The following CTU1 variants were observed in gnomAD, a reference collection of about 807,000 sequenced individuals.
The protein encoded by CTU1 is cytosolic thiouridylase subunit 1.
A neutral mutation model predicts 12.9 loss-of-function variants in CTU1; 15 were observed. The observed-to-expected ratio is 1.16, with a 90% CI of 0.78 to 1.79. The LOEUF (loss-of-function observed/expected upper bound fraction) is 1.79, where lower values mean the gene tolerates loss of function less well. Among genes scored for constraint, CTU1 ranks in the 40% most tolerant of loss-of-function variants. The pLI is 0.00. For synonymous variants in CTU1, 295 were observed against 275.6 expected (o/e 1.07, Z -0.70); for missense variants, 553 against 550.5 (o/e 1.00, Z -0.05).
Position 51,098,627 on chromosome 19 carries a change from C to CG in CTU1, c.1020dup (p.Ala341ArgfsTer130). ...TAGAAGGTGGGGACGGCCTTGGAGG[C>CG]GGGGGGCCGGGCCGGATCCCCGGGC... On this transcript the variant is annotated frameshift_variant, in exon 3 of 3. Coordinates refer to ENST00000421832, the MANE Select transcript of CTU1 (RefSeq NM_145232.4). LOFTEE classifies it low-confidence loss of function (END_TRUNC). The surrounding 1 kb of genome is among the most constrained non-coding windows in gnomAD (Gnocchi z 4.3). The CG allele has an allele frequency of 7.6e-6, 10 of 1,307,870 alleles. No homozygotes were observed. The highest frequency in any genetic ancestry group is 4.1e-5 in the South Asian group (2 of 49,100). 81.0% of individuals were successfully genotyped at this position (1,307,870 alleles called of 1,614,324 possible). A position where few individuals can be genotyped will look rare whatever the true frequency, so the allele number is the denominator to read the frequency against.
At chr19:51,105,599 G>A (rs1432299675) in intron 1 of CTU1, among the ~76,000 whole-genome samples, 5 of 152,182 alleles carry the variant, frequency 3.3e-5, no homozygotes, top group Non-Finnish European at 7.3e-5. Context: ...CACAATGTGT[G>A]GAATTATTTT....
In CTU1 at chr19:51,104,363, G is replaced by A. The variant is rs934791437; in HGVS notation, c.207C>T (p.His69=). 3.5e-6 allele frequency: 5 copies of A among 1,425,816 alleles called. No individual in the cohort carries two copies. In the Admixed American group the frequency reaches 1.4e-4, roughly 41 times the overall value. 88.3% of individuals were successfully genotyped at this position (1,425,816 alleles called of 1,614,324 possible). A position where few individuals can be genotyped will look rare whatever the true frequency, so the allele number is the denominator to read the frequency against. ...SGGKDSTVLA[H]VLRALAPRLG... ...GGCGCGGCGCCAGCGCGCGCAGCACGTGCGCCAGCACCGTGGAGTCCTTGC... is the reference window on the plus strand; with the variant it reads ...GGCGCGGCGCCAGCGCGCGCAGCACATGCGCCAGCACCGTGGAGTCCTTGC... The change falls in exon 2 of 3, where the codon CAC becomes CAT. Residue 69 remains histidine, a synonymous_variant. Coordinates refer to ENST00000421832, the MANE Select transcript of CTU1 (RefSeq NM_145232.4).
Position 51,104,055 on chromosome 19 carries a change from C to T in CTU1, c.508+7G>A, listed in dbSNP as rs775068602. ...GAGTGCCGCTCTGCGGCCCGTACTA[C>T]GCTCACCTGTCACGATGTGCGTGGC... is the stretch of plus-strand genomic sequence containing the variant. On this transcript the variant is annotated splice_region_variant and intron_variant, in intron 2 of 2. Transcript: ENST00000421832. 5 of 1,447,282 alleles carry T rather than the reference C, an allele frequency of 3.5e-6. No homozygotes were observed. The highest frequency in any genetic ancestry group is 2.9e-5 in the Admixed American group (1 of 34,874). The allele number at this position is 1,447,282 out of a possible 1,614,324, so 89.7% of individuals were successfully genotyped here. A position where few individuals can be genotyped will look rare whatever the true frequency, so the allele number is the denominator to read the frequency against.
Position 51,103,046 on chromosome 19 carries a change from A to G in CTU1, c.508+1016T>C, listed in dbSNP as rs572637329. ...TATTCTCAGCCCTAGCCTGACAATGATGATGATAATAGCATGTATAAAATG... is the reference window on the plus strand; with the variant it reads ...TATTCTCAGCCCTAGCCTGACAATGGTGATGATAATAGCATGTATAAAATG... On this transcript the variant is annotated intron_variant, in intron 2 of 2. Transcript: ENST00000421832. Among the ~76,000 whole-genome samples the G allele has an allele frequency of 1.2e-4, 18 of 152,356 alleles. No individual in the cohort carries two copies. The South Asian group carries it at 3.1e-3, about 26-fold the overall frequency.
In CTU1 at chr19:51,099,131, C is replaced by T. The variant is rs1193345686; in HGVS notation, c.517G>A (p.Ala173Thr). Residue 173 changes from alanine (A) to threonine (T), a missense_variant, in exon 3 of 3, where the codon GCC (alanine) becomes ACC (threonine). Ala to Thr is a moderately conservative substitution (Grantham distance 58, BLOSUM62 0). This residue lies in a region of CTU1 where 500 missense variants were observed against 458.5 expected (regional missense o/e 1.09). Transcript: ENST00000421832. ...GATHIVTGHN[A>T]DDMAETVLMN... ...AGCACGGTCTCCGCCATGTCGTCGG[C>T]GTTGTGACCTGGTGGGGAGAGAAGG... 2 of 1,569,168 alleles carry T rather than the reference C, an allele frequency of 1.3e-6. No homozygotes were observed. Among genetic ancestry groups the T allele is most frequent in the Non-Finnish European group, 1.7e-6 (2 of 1,167,050 alleles).
chr19:51,104,578 G>A lies in CTU1; in HGVS notation c.-9C>T. The A allele has an allele frequency of 5.6e-6, 7 of 1,248,430 alleles. No homozygotes were observed. The highest frequency in any genetic ancestry group is 7.0e-6 in the Non-Finnish European group (7 of 995,424). The allele number at this position is 1,248,430 out of a possible 1,614,324, so 77.3% of individuals were successfully genotyped here. On this transcript the variant is annotated 5_prime_UTR_variant, in exon 2 of 3. Coordinates refer to ENST00000421832, the MANE Select transcript of CTU1 (RefSeq NM_145232.4). ...CACGGCGGGGCGGGCATTGCGGGAG[G>A]GGTCGGCTTCTCCTAGACAGGGAGA...
chr19:51,097,988 T>C lies in CTU1; in HGVS notation c.*613A>G, dbSNP rs1568603006. Reference sequence around the variant, plus strand: ...CTTCAGGCTACAGCCAGTGAGACCGTGGTGGAGACGAAATGAGGGTGCAGT... The same window carrying C: ...CTTCAGGCTACAGCCAGTGAGACCGCGGTGGAGACGAAATGAGGGTGCAGT... On this transcript the variant is annotated 3_prime_UTR_variant, in exon 3 of 3. Transcript: ENST00000421832. The C allele has an allele frequency of 6.6e-6, 1 of 152,174 alleles. No individual in the cohort carries two copies. Among genetic ancestry groups the C allele is most frequent in the Non-Finnish European group, 1.5e-5 (1 of 68,090 alleles). The allele number at this position is 152,174 out of a possible 1,614,324, so 9.4% of individuals were successfully genotyped here.
rs60598098 is a variant in CTU1, at chr19:51,107,896, G to A, written c.-22+451C>T. Among the ~76,000 whole-genome samples, 931 of 152,270 alleles carry A rather than the reference G, an allele frequency of 6.1e-3. 6 individuals carry two copies. Among genetic ancestry groups the A allele is most frequent in the African/African-American group, 0.022 (897 of 41,538 alleles). ...CCTGACTAGCTGTCACTGGTGACAG[G>A]TCTGTCTCTCTGCTTCAAGGCAGGG... On this transcript the variant is annotated intron_variant, in intron 1 of 2. Transcript: ENST00000421832.
At chr19:51,103,125 C>G (rs977695721) in intron 2 of CTU1, among the ~76,000 whole-genome samples, 1 of 151,974 alleles carries the variant, frequency 6.6e-6, no homozygotes, top group Admixed American at 6.6e-5. Context: ...ATATAGATAA[C>G]GTTATACTTC....
chr19:51,104,535 G>A lies in CTU1; in HGVS notation c.35C>T (p.Ala12Val). The change falls in exon 2 of 3, where the codon GCA (alanine) becomes GTA (valine). Residue 12 changes from alanine to valine, a missense_variant. Physicochemically the swap from Ala to Val is moderately conservative, Grantham distance 64 (BLOSUM62 0). Around this residue, in one of 2 missense-constraint regions of CTU1, gnomAD observed 500 missense variants for 458.5 expected, o/e 1.09. Transcript: ENST00000421832. ...GAGCGGACGGCGGAGGGCGGCGCGT[G>A]CAGCATGGCAGGAGGCGCACGGCGG... ...PAPPCASCHAARAALRRPLSG... is the reference protein window; with the variant it reads ...PAPPCASCHAVRAALRRPLSG... 1 of 1,265,598 alleles carries A rather than the reference G, an allele frequency of 7.9e-7. No homozygotes were observed. Among genetic ancestry groups the A allele is most frequent in the Non-Finnish European group, 9.9e-7 (1 of 1,006,508 alleles). 78.4% of individuals were successfully genotyped at this position (1,265,598 alleles called of 1,614,324 possible).
chr19:51,104,036 C>A (rs756195139), intron 2 of CTU1, 26 bp downstream of exon 2: 9 of 1,424,348 alleles, frequency 6.3e-6, no homozygotes, highest in Admixed American at 3.0e-5. Flanking sequence ...CGGAGAGTGC[C>A]GCTCTGCGGC....
chr19:51,104,905 C>G (rs2691251), intron 1 of CTU1, among the ~76,000 whole-genome samples: 83,703 of 151,996 alleles, frequency 0.55, 23,464 homozygotes, highest in East Asian at 0.79. Flanking sequence ...GTTGTGTCCT[C>G]TCCAGAGGGA....
intron 1 of CTU1, among the ~76,000 whole-genome samples, chr19:51,107,115 G>A (rs1053881071): frequency 6.6e-6 from 1 of 152,164 alleles, no homozygotes; most frequent in Non-Finnish European, 1.5e-5. Context: ...CTGAGGAAGG[G>A]AGACGCTCGC....
chr19:51,103,896 G>A (rs1364104808), intron 2 of CTU1, among the ~76,000 whole-genome samples, 166 bp downstream of exon 2: 1 of 152,194 alleles, frequency 6.6e-6, no homozygotes, highest in Non-Finnish European at 1.5e-5. Flanking sequence ...ACTGCAGCAT[G>A]CGCCCTTCCG....
At chr19:51,104,014 G>C in intron 2 of CTU1, 48 bp downstream of exon 2, 1 of 1,397,570 alleles carries the variant, frequency 7.2e-7, no homozygotes, top group Non-Finnish European at 9.2e-7. Context: ...CTGTGCATTC[G>C]CCCCACTGCC....
intron 1 of CTU1, among the ~76,000 whole-genome samples, chr19:51,105,471 A>T (rs953912724): frequency 3.6e-4 from 55 of 152,134 alleles, no homozygotes; most frequent in African/African-American, 1.3e-3. Flanking sequence ...CTGCCTGGTG[A>T]ACCCATAAAA....
intron 2 of CTU1, among the ~76,000 whole-genome samples, chr19:51,103,261 C>T (rs527414983): frequency 2.0e-5 from 3 of 152,106 alleles, no homozygotes; most frequent in South Asian, 2.1e-4. Context: ...AGTTGGGATC[C>T]GGCATATAGC....
intron 1 of CTU1, 63 bp from the exon 2 acceptor site, chr19:51,104,653 CG>C: frequency 8.5e-7 from 1 of 1,171,086 alleles, no homozygotes; most frequent in Non-Finnish European, 1.1e-6. Context: ...TCCCTGCCAT[CG>C]GGGAGATTGT....
In CTU1 at chr19:51,104,302, C is replaced by T. The variant is rs754751049; in HGVS notation, c.268G>A (p.Gly90Ser). 7.4e-6 allele frequency: 11 copies of T among 1,495,290 alleles called. No individual in the cohort carries two copies. Among genetic ancestry groups the T allele is most frequent in the South Asian group, 7.3e-5 (6 of 82,018 alleles). 92.6% of individuals were successfully genotyped at this position (1,495,290 alleles called of 1,614,324 possible). A position where few individuals can be genotyped will look rare whatever the true frequency, so the allele number is the denominator to read the frequency against. ...GCCGCGTCCCGGTAGCCACCGATGC[C>T]CTCATCGACGGCCACGAGCTGCAGT... is the stretch of plus-strand genomic sequence containing the variant. ...ISLQLVAVDE[G>S]IGGYRDAALA... is the part of the protein sequence containing the mutation. The change falls in exon 2 of 3, where the codon GGC becomes AGC. Residue 90 changes from glycine to serine, a missense_variant. Around this residue, in one of 2 missense-constraint regions of CTU1, gnomAD observed 500 missense variants for 458.5 expected, o/e 1.09. Coordinates refer to ENST00000421832, the MANE Select transcript of CTU1 (RefSeq NM_145232.4).
Sources: gnomAD v4.1 joint callset for allele counts (sites outside exome capture counted in the v4.1 genomes callset) on GRCh38, gnomAD v4.1.1 for gene constraint, gnomAD v4.1.1 regional missense constraint, Gnocchi (gnomAD v3.1) non-coding constraint, MANE v1.5 for transcripts, NCBI Gene and HGNC (gene_info 2026-07-23, HGNC 2026-07-21) for gene names.